The following ZSWIM9 variants were observed in gnomAD, a reference collection of about 807,000 sequenced individuals.
ZSWIM9 encodes the protein uncharacterized protein ZSWIM9.
Under a neutral mutation model 25.0 loss-of-function variants are expected in ZSWIM9, and 11 were observed. The observed-to-expected ratio is 0.44, with a 90% CI of 0.28 to 0.73. The LOEUF (loss-of-function observed/expected upper bound fraction) is 0.73, where lower values mean the gene tolerates loss of function less well. Ranked by LOEUF, ZSWIM9 falls within the 30% of genes least tolerant of loss-of-function variation. The probability of loss-of-function intolerance (pLI) is 0.16; values close to 1 mark genes in which losing one functional copy is unlikely to be tolerated. For synonymous variants in ZSWIM9, 562 were observed against 582.1 expected, an observed-to-expected ratio of 0.97 and a Z score of 0.50; for missense variants, 1,070 against 1,296.5, an observed-to-expected ratio of 0.83 and a Z score of 2.68.
chr19:48,187,917 G>C (rs1265245367), intron 3 of ZSWIM9: 1 of 149,444 alleles, frequency 6.7e-6, no homozygotes, highest in African/African-American at 2.5e-5. Flanking sequence ...CTCCAGCCTT[G>C]ACAACAGAGT....
At chr19:48,176,611 G>A (rs1239524263) in intron 2 of ZSWIM9, among the ~76,000 whole-genome samples, 1 of 151,972 alleles carries the variant, frequency 6.6e-6, no homozygotes, top group Non-Finnish European at 1.5e-5. Flanking sequence ...CTCAGTGTGA[G>A]GGTTGACCGT....
intron 3 of ZSWIM9, chr19:48,187,596 A>AATATTATATATTATATAAT (rs1476980618): frequency 9.7e-5 from 8 of 82,564 alleles, no homozygotes; most frequent in East Asian, 9.7e-4. Context: ...TATATAATAT[A>AATATTATATATTATATAAT]ATATTATATA....
intron 1 of ZSWIM9, 100 bp from the exon 2 acceptor site, chr19:48,171,694 A>C: frequency 8.5e-7 from 1 of 1,181,158 alleles, no homozygotes; most frequent in Non-Finnish European, 1.2e-6. Context: ...ACCTCGATAG[A>C]GGCACCAGCA....
chr19:48,177,020 A>G (rs536893610), intron 2 of ZSWIM9, among the ~76,000 whole-genome samples: 75 of 152,068 alleles, frequency 4.9e-4, no homozygotes, highest in Non-Finnish European at 9.9e-4. Flanking sequence ...GGTTGCAGTG[A>G]GCCAAGATTG....
At chr19:48,183,952 A>AT (rs35807450) in intron 3 of ZSWIM9, among the ~76,000 whole-genome samples, 44,710 of 146,912 alleles carry the variant, frequency 0.3, 7,542 homozygotes, top group East Asian at 0.55. Context: ...GCCTACTTAA[A>AT]TTTTTTTTTT....
At chr19:48,178,560 C>G (rs1275016286) in intron 2 of ZSWIM9, among the ~76,000 whole-genome samples, 1 of 142,828 alleles carries the variant, frequency 7.0e-6, no homozygotes, top group Non-Finnish European at 1.5e-5. Context: ...TGGACCAATC[C>G]CAACCTGCAG....
chr19:48,193,682 G>A (rs940542337), intron 3 of ZSWIM9, among the ~76,000 whole-genome samples: 4 of 152,218 alleles, frequency 2.6e-5, no homozygotes, highest in Admixed American at 2.0e-4. Flanking sequence ...AGAAGAGCGG[G>A]ACGTGATGTT....
intron 2 of ZSWIM9, among the ~76,000 whole-genome samples, chr19:48,176,529 C>A (rs1200759549): frequency 1.3e-5 from 2 of 152,074 alleles, no homozygotes; most frequent in East Asian, 3.9e-4. Flanking sequence ...ATTTTAATTA[C>A]CACCCTCCCG....
Position 48,170,700 on chromosome 19 carries a change from C to A in ZSWIM9, c.-24C>A. On this transcript the variant is annotated 5_prime_UTR_variant, in exon 1 of 4. Coordinates refer to ENST00000614654, the MANE Select transcript of ZSWIM9 (RefSeq NM_199341.4). Reference sequence around the variant, plus strand: ...GGGGCATTGTGGGAGGTGGACGCCGCTCCGGGGCGGGTAGGTGAGTGGGGA... The same window carrying A: ...GGGGCATTGTGGGAGGTGGACGCCGATCCGGGGCGGGTAGGTGAGTGGGGA... The A allele has an allele frequency of 4.7e-6, 1 of 214,618 alleles. No individual in the cohort carries two copies. The highest frequency in any genetic ancestry group is 4.8e-5 in the South Asian group (1 of 21,014). 13.3% of individuals were successfully genotyped at this position (214,618 alleles called of 1,614,324 possible).
Position 48,182,603 on chromosome 19 carries a change from GCCAACGCC to G in ZSWIM9, c.425_432del (p.Ala142ValfsTer313), listed in dbSNP as rs2036961893. On this transcript the variant is annotated frameshift_variant, in exon 3 of 4. Transcript: ENST00000614654. LOFTEE classifies it high-confidence loss of function. The surrounding 1 kb of genome is among the most constrained non-coding windows in gnomAD (Gnocchi z 4.6). ...CTACTTCCGCCCGGGCCACCTGCTG[GCCAACGCC>G]TGCCTGCCGGTGCGCACCACCAACA... 1 of 1,535,746 alleles carries G rather than the reference GCCAACGCC, an allele frequency of 6.5e-7. No homozygotes were observed. Among genetic ancestry groups the G allele is most frequent in the Non-Finnish European group, 8.7e-7 (1 of 1,146,730 alleles).
In ZSWIM9 at chr19:48,171,990, C is replaced by T; in HGVS notation, c.188C>T (p.Pro63Leu). The change falls in exon 2 of 4, where the codon CCG (proline) becomes CTG (leucine). Residue 63 changes from proline (P) to leucine (L), a missense_variant. This residue lies in a region of ZSWIM9 where 265 missense variants were observed against 339.0 expected (regional missense o/e 0.78). Transcript: ENST00000614654. ...CGCTGCCGCTGGGCCAGTGCGCCCCCGCTCTACACGCTCATCGACGTGCTC... is the reference window on the plus strand; with the variant it reads ...CGCTGCCGCTGGGCCAGTGCGCCCCTGCTCTACACGCTCATCGACGTGCTC... ...LARCRWASAP[P>L]LYTLIDVLKY... is the part of the protein sequence containing the mutation. The T allele has an allele frequency of 1.3e-6, 2 of 1,528,090 alleles. No individual in the cohort carries two copies. The highest frequency in any genetic ancestry group is 1.7e-6 in the Non-Finnish European group (2 of 1,143,116). 94.7% of individuals were successfully genotyped at this position (1,528,090 alleles called of 1,614,324 possible).
In ZSWIM9 at chr19:48,194,803, C is replaced by CT; in HGVS notation, c.740dup (p.Cys248ValfsTer210). 1 of 1,529,724 alleles carries CT rather than the reference C, an allele frequency of 6.5e-7. No individual in the cohort carries two copies. Among genetic ancestry groups the CT allele is most frequent in the Non-Finnish European group, 8.7e-7 (1 of 1,144,008 alleles). The allele number at this position is 1,529,724 out of a possible 1,614,324, so 94.8% of individuals were successfully genotyped here. On this transcript the variant is annotated frameshift_variant, in exon 4 of 4. Transcript: ENST00000614654. LOFTEE classifies it low-confidence loss of function (END_TRUNC). This position sits in a 1 kb window ranked among gnomAD's most constrained non-coding sequence, Gnocchi z 6.0. The stretch of plus-strand genomic sequence containing the variant: ...GGGCGCGCTGGATCTGCTGGCCGTG[C>CT]TGTGCGTGGACGGCTCGGGCCGTGC...
chr19:48,188,484 C>T (rs2037056955), intron 3 of ZSWIM9, among the ~76,000 whole-genome samples: 1 of 151,996 alleles, frequency 6.6e-6, no homozygotes, highest in Admixed American at 6.6e-5. Flanking sequence ...GCCTCGGCCT[C>T]CCAAAGTGCT....
At chr19:48,186,389 C>T (rs1286659162) in intron 3 of ZSWIM9, among the ~76,000 whole-genome samples, 1 of 152,232 alleles carries the variant, frequency 6.6e-6, no homozygotes, top group East Asian at 1.9e-4. Flanking sequence ...TAACCTCCAC[C>T]TCCTGGGCTC....
chr19:48,182,292 G>A lies in ZSWIM9; in HGVS notation c.276-163G>A, dbSNP rs2036955306. 2 of 629,014 alleles carry A rather than the reference G, an allele frequency of 3.2e-6. No individual in the cohort carries two copies. Among genetic ancestry groups the A allele is most frequent in the Non-Finnish European group, 5.5e-6 (2 of 365,870 alleles). 39.0% of individuals were successfully genotyped at this position (629,014 alleles called of 1,614,324 possible). A position where few individuals can be genotyped will look rare whatever the true frequency, so the allele number is the denominator to read the frequency against. On this transcript the variant is annotated intron_variant, in intron 2 of 3. Coordinates refer to ENST00000614654, the MANE Select transcript of ZSWIM9 (RefSeq NM_199341.4). The surrounding 1 kb of genome is among the most constrained non-coding windows in gnomAD (Gnocchi z 4.6). ...TGAGGAAACTGAGGCATAGAGACTT[G>A]AAGTGACTTGCCCCAGGTCACACAG...
chr19:48,189,695 G>C (rs1278611242), intron 3 of ZSWIM9: 1 of 154,186 alleles, frequency 6.5e-6, no homozygotes, highest in South Asian at 2.0e-4. Flanking sequence ...CTATAAAATA[G>C]AGCAAATAAG....
chr19:48,173,131 C>T (rs989449916), intron 2 of ZSWIM9, among the ~76,000 whole-genome samples: 6 of 152,170 alleles, frequency 3.9e-5, no homozygotes, highest in Admixed American at 3.3e-4. Context: ...AGACAAAAAT[C>T]CCTGCCCTTC....
At position 48,194,802 on chromosome 19, in the gene ZSWIM9, G is replaced by T; in HGVS notation, c.738G>T (p.Val246=). Reference sequence around the variant, plus strand: ...AGGGCGCGCTGGATCTGCTGGCCGTGCTGTGCGTGGACGGCTCGGGCCGTG... The same window carrying T: ...AGGGCGCGCTGGATCTGCTGGCCGTTCTGTGCGTGGACGGCTCGGGCCGTG... ...GLQGALDLLA[V]LCVDGSGRAR... Residue 246 remains valine (V), a synonymous_variant, in exon 4 of 4, where the codon GTG becomes GTT. Transcript: ENST00000614654. The surrounding 1 kb of genome is among the most constrained non-coding windows in gnomAD (Gnocchi z 6.0). The T allele has an allele frequency of 6.5e-7, 1 of 1,529,746 alleles. No homozygotes were observed. Among genetic ancestry groups the T allele is most frequent in the Non-Finnish European group, 8.7e-7 (1 of 1,144,016 alleles). The allele number at this position is 1,529,746 out of a possible 1,614,324, so 94.8% of individuals were successfully genotyped here.
At chr19:48,172,242 T>C (rs1169535114) in intron 2 of ZSWIM9, among the ~76,000 whole-genome samples, 165 bp downstream of exon 2, 1 of 151,176 alleles carries the variant, frequency 6.6e-6, no homozygotes, top group Non-Finnish European at 1.5e-5. Flanking sequence ...AGGAGGGACA[T>C]GTACTGAGAG....
Sources: gnomAD v4.1 joint callset for allele counts (sites outside exome capture counted in the v4.1 genomes callset) on GRCh38, gnomAD v4.1.1 for gene constraint, gnomAD v4.1.1 regional missense constraint, Gnocchi (gnomAD v3.1) non-coding constraint, MANE v1.5 for transcripts, NCBI Gene and HGNC (gene_info 2026-07-23, HGNC 2026-07-21) for gene names.